The following STXBP5L variants were observed in gnomAD, a reference collection of about 807,000 sequenced individuals.
STXBP5L encodes the protein syntaxin-binding protein 5-like.
A neutral mutation model predicts 144.5 loss-of-function variants in STXBP5L; 65 were observed. That is an observed-to-expected ratio of 0.45 (90% CI 0.37 to 0.55). STXBP5L has a LOEUF of 0.55. Ranked by LOEUF, STXBP5L falls within the 20% of genes least tolerant of loss-of-function variation. STXBP5L has a pLI of 0.00. For synonymous variants in STXBP5L, 505 were observed against 469.6 expected (o/e 1.08, Z -0.97); for missense variants, 1,298 against 1,405.5 (o/e 0.92, Z 1.22).
chr3:121,006,209 G>C (rs1408517829), intron 3 of STXBP5L, among the ~76,000 whole-genome samples: 3 of 152,128 alleles, frequency 2.0e-5, no homozygotes, highest in Non-Finnish European at 4.4e-5. Flanking sequence ...GGGTCTCTAA[G>C]GACTTGCTTT....
rs1185295210 is a variant in STXBP5L at position 121,423,693 on chromosome 3, C to T, written c.*4596C>T. 5.3e-5 allele frequency: 8 copies of T among 152,272 alleles called. No individual in the cohort carries two copies. The highest frequency in any genetic ancestry group is 7.4e-5 in the Non-Finnish European group (5 of 68,018). 9.4% of individuals were successfully genotyped at this position (152,272 alleles called of 1,614,324 possible). The stretch of plus-strand genomic sequence containing the variant: ...CCAATATTTGCGAAAGCCTCCAAGG[C>T]GGTTCTAATGTCCAGCCAAAGTTGA... On this transcript the variant is annotated 3_prime_UTR_variant, in exon 27 of 27. Coordinates refer to ENST00000471454, the MANE Select transcript of STXBP5L (RefSeq NM_001308330.2).
chr3:121,308,827 T>C (rs2043426893), intron 19 of STXBP5L, among the ~76,000 whole-genome samples: 1 of 152,108 alleles, frequency 6.6e-6, no homozygotes. Context: ...GTTTGTAAAA[T>C]ATATAGATTT....
rs2047285209 is a variant in STXBP5L, at chr3:121,418,316, T to C, written c.3227-21T>C. 4.4e-6 allele frequency: 7 copies of C among 1,600,908 alleles called. No homozygotes were observed. In the East Asian group the frequency reaches 1.6e-4, roughly 36 times the overall value. On this transcript the variant is annotated intron_variant, in intron 25 of 26. Coordinates refer to ENST00000471454, the MANE Select transcript of STXBP5L (RefSeq NM_001308330.2). ...GAATTACTGACAAAATGTTTTAAAT[T>C]GCTATTGCATATATTCTCAGTTGGG...
At chr3:121,093,675 T>C (rs2042951137) in intron 5 of STXBP5L, among the ~76,000 whole-genome samples, 1 of 152,220 alleles carries the variant, frequency 6.6e-6, no homozygotes, top group Non-Finnish European at 1.5e-5. Flanking sequence ...TTTTCTTTAT[T>C]AGTCTTGCTA....
chr3:121,077,481 T>C (rs2042068814), intron 5 of STXBP5L, among the ~76,000 whole-genome samples: 1 of 152,016 alleles, frequency 6.6e-6, no homozygotes, highest in African/African-American at 2.4e-5. Context: ...TCACGGTGAG[T>C]GTTACAGCTC....
chr3:121,280,519 G>A (rs1250750427), intron 19 of STXBP5L, among the ~76,000 whole-genome samples: 4 of 151,790 alleles, frequency 2.6e-5, no homozygotes, highest in Admixed American at 2.6e-4. Flanking sequence ...TTCTTGGAAG[G>A]ATCAATAAAT....
chr3:121,046,161 C>T (rs943505656), intron 5 of STXBP5L, among the ~76,000 whole-genome samples: 9 of 151,986 alleles, frequency 5.9e-5, no homozygotes, highest in Admixed American at 2.6e-4. Context: ...TGTAGTAGAT[C>T]GCATTTATGT....
chr3:121,032,570 T>C (rs2107513268), intron 3 of STXBP5L, among the ~76,000 whole-genome samples: 2 of 146,854 alleles, frequency 1.4e-5, no homozygotes, highest in African/African-American at 2.5e-5. Flanking sequence ...AATTGACAAA[T>C]GGGATCTAAT....
At chr3:120,989,489 TG>T (rs1200765739) in intron 3 of STXBP5L, among the ~76,000 whole-genome samples, 1 of 152,152 alleles carries the variant, frequency 6.6e-6, no homozygotes, top group Non-Finnish European at 1.5e-5. Context: ...TTGCTTTTTT[TG>T]CTGTTGTTGA....
intron 25 of STXBP5L, 45 bp from the exon 26 acceptor site, chr3:121,418,292 A>G (rs748396163): frequency 5.1e-6 from 8 of 1,563,070 alleles, no homozygotes; most frequent in Non-Finnish European, 5.2e-6. Flanking sequence ...TGACTGTTTG[A>G]ATTACTGACA....
At chr3:121,414,813 ATTTG>A (rs1490688410) in intron 24 of STXBP5L, among the ~76,000 whole-genome samples, 1 of 152,192 alleles carries the variant, frequency 6.6e-6, no homozygotes, top group Non-Finnish European at 1.5e-5. Context: ...GTTTTAGCAG[ATTTG>A]TTTATTAAAA....
intron 18 of STXBP5L, among the ~76,000 whole-genome samples, chr3:121,263,169 G>A (rs2108397151): frequency 6.6e-6 from 1 of 152,298 alleles, no homozygotes; most frequent in African/African-American, 2.4e-5. Context: ...GTGATACCCA[G>A]GCAAACAGGT....
At chr3:121,244,472 A>C (rs1239798199) in intron 14 of STXBP5L, among the ~76,000 whole-genome samples, 2 of 151,854 alleles carry the variant, frequency 1.3e-5, no homozygotes, top group African/African-American at 4.8e-5. Flanking sequence ...AGAGACAGAG[A>C]GAGAGAGAAT....
intron 19 of STXBP5L, among the ~76,000 whole-genome samples, chr3:121,308,879 A>G (rs1191335961): frequency 6.6e-6 from 1 of 152,178 alleles, no homozygotes; most frequent in African/African-American, 2.4e-5. Context: ...GAATACAGCT[A>G]TTAAAAATTA....
chr3:121,286,876 G>A (rs991007701), intron 19 of STXBP5L, among the ~76,000 whole-genome samples: 4 of 152,068 alleles, frequency 2.6e-5, no homozygotes, highest in African/African-American at 9.7e-5. Flanking sequence ...ACAATCACAC[G>A]CATTTACTAT....
chr3:121,036,906 T>C (rs941146812), intron 3 of STXBP5L, among the ~76,000 whole-genome samples: 7 of 151,706 alleles, frequency 4.6e-5, no homozygotes, highest in Admixed American at 3.9e-4. Flanking sequence ...GGTTATATTA[T>C]ATAATTCTTT....
Position 121,259,954 on chromosome 3 carries a change from T to A in STXBP5L, c.1958+786T>A, listed in dbSNP as rs72968038. ...CAACATAATTCAAGCAGACATCAGGTCTTTGAAAGTTGGATTTTATTCCCA... is the reference window on the plus strand; with the variant it reads ...CAACATAATTCAAGCAGACATCAGGACTTTGAAAGTTGGATTTTATTCCCA... On this transcript the variant is annotated intron_variant, in intron 18 of 26. Coordinates refer to ENST00000471454, the MANE Select transcript of STXBP5L (RefSeq NM_001308330.2). 2.5e-3 allele frequency among the ~76,000 whole-genome samples: 381 copies of A among 152,122 alleles called. 2 individuals are homozygous for A. The highest frequency in any genetic ancestry group is 8.6e-3 in the African/African-American group (358 of 41,560).
intron 5 of STXBP5L, among the ~76,000 whole-genome samples, chr3:121,080,793 G>A (rs1168419727): frequency 3.9e-5 from 6 of 152,156 alleles, no homozygotes; most frequent in African/African-American, 1.4e-4. Context: ...CTTGACTTCA[G>A]TAGTAATTGT....
At chr3:121,345,011 G>A (rs907217128) in intron 20 of STXBP5L, among the ~76,000 whole-genome samples, 1 of 151,068 alleles carries the variant, frequency 6.6e-6, no homozygotes, top group African/African-American at 2.4e-5. Flanking sequence ...AGTACAGAAA[G>A]CATATTTTTT....
Sources: allele counts gnomAD v4.1 joint callset (sites outside exome capture counted in the v4.1 genomes callset), GRCh38; gene constraint gnomAD v4.1.1; transcripts MANE v1.5; gene names NCBI Gene and HGNC (gene_info 2026-07-23, HGNC 2026-07-21).